CYP7B1: variants seen among roughly 807,000 people sequenced by gnomAD.
CYP7B1 encodes cytochrome P450 family 7 subfamily B member 1, also known as cytochrome P450 7B1.
Under a neutral mutation model 42.7 loss-of-function variants are expected in CYP7B1, and 29 were observed. The observed-to-expected ratio is 0.68, with a 90% CI of 0.51 to 0.93. The LOEUF is 0.93. CYP7B1 is among the 40% of genes least tolerant of loss of function. The pLI, the probability that CYP7B1 is intolerant of heterozygous loss-of-function variation, is 0.00. For synonymous variants in CYP7B1, 235 were observed against 218.2 expected (o/e 1.08, Z -0.68); for missense variants, 655 against 600.5 (o/e 1.09, Z -0.95).
chr8:64,717,824 G>A (rs1057175425), intron 1 of CYP7B1, among the ~76,000 whole-genome samples: 1 of 151,662 alleles, frequency 6.6e-6, no homozygotes, highest in Non-Finnish European at 1.5e-5. Context: ...TCCAGCCTGG[G>A]CAACAGAACC....
chr8:64,798,611 G>T lies in CYP7B1; in HGVS notation c.-24C>A. The T allele has an allele frequency of 1.4e-6, 2 of 1,450,926 alleles. No homozygotes were observed. Among genetic ancestry groups the T allele is most frequent in the Non-Finnish European group, 1.8e-6 (2 of 1,111,648 alleles). The allele number at this position is 1,450,926 out of a possible 1,614,324, so 89.9% of individuals were successfully genotyped here. On this transcript the variant is annotated 5_prime_UTR_variant, in exon 1 of 6. Coordinates refer to ENST00000310193, the MANE Select transcript of CYP7B1 (RefSeq NM_004820.5). ...ATCCGGCGCGCGCTAGGCCGCGGTG[G>T]GCAGCCCGGGGTCTGCCTGCGAACA...
intron 1 of CYP7B1, among the ~76,000 whole-genome samples, chr8:64,784,762 G>C (rs1364878405): frequency 3.9e-5 from 6 of 152,048 alleles, no homozygotes; most frequent in Non-Finnish European, 7.4e-5. Context: ...TAAAACCTCA[G>C]TTGCTAACAA....
chr8:64,695,920 A>T (rs1806820837), intron 1 of CYP7B1, among the ~76,000 whole-genome samples: 1 of 152,214 alleles, frequency 6.6e-6, no homozygotes. Flanking sequence ...CAAATGATGT[A>T]ATTAGATATA....
chr8:64,797,071 A>C (rs1402759045), intron 1 of CYP7B1, among the ~76,000 whole-genome samples: 1 of 152,224 alleles, frequency 6.6e-6, no homozygotes, highest in Non-Finnish European at 1.5e-5. Context: ...AGGAATTGGC[A>C]GTTGATGGCA....
At chr8:64,703,357 C>A (rs547689719) in intron 1 of CYP7B1, among the ~76,000 whole-genome samples, 70 of 152,070 alleles carry the variant, frequency 4.6e-4, no homozygotes, top group African/African-American at 1.2e-3. Flanking sequence ...CACAGCATAA[C>A]CCCTTACACC....
intron 1 of CYP7B1, among the ~76,000 whole-genome samples, chr8:64,696,138 G>A (rs1806825355): frequency 6.6e-6 from 1 of 152,030 alleles, no homozygotes; most frequent in Non-Finnish European, 1.5e-5. Flanking sequence ...TATCATTTAG[G>A]GGACTGGATT....
intron 1 of CYP7B1, among the ~76,000 whole-genome samples, chr8:64,661,045 C>T (rs1006578894): frequency 2.0e-5 from 3 of 152,150 alleles, no homozygotes; most frequent in Non-Finnish European, 2.9e-5. Context: ...TTAATGGAAG[C>T]CTGCAAATGT....
At chr8:64,602,793 ATAGCATCTACTT>A (rs1212735743) in intron 5 of CYP7B1, among the ~76,000 whole-genome samples, 17 of 152,340 alleles carry the variant, frequency 1.1e-4, no homozygotes, top group African/African-American at 4.1e-4. Flanking sequence ...AAGAGCATCT[ATAGCATCTACTT>A]ATTGCCATAT....
intron 1 of CYP7B1, among the ~76,000 whole-genome samples, chr8:64,754,790 TAAG>T (rs1226784399): frequency 6.6e-6 from 1 of 151,998 alleles, no homozygotes; most frequent in African/African-American, 2.4e-5. Flanking sequence ...TGTTGAGAAT[TAAG>T]GAGGAGTAAT....
intron 1 of CYP7B1, among the ~76,000 whole-genome samples, chr8:64,726,153 C>A (rs1047639315): frequency 1.3e-5 from 2 of 151,998 alleles, no homozygotes; most frequent in African/African-American, 4.8e-5. Context: ...GGATAAGAAA[C>A]CTTCTTCTAC....
intron 1 of CYP7B1, among the ~76,000 whole-genome samples, chr8:64,639,531 A>C (rs558111304): frequency 6.6e-6 from 1 of 152,194 alleles, no homozygotes; most frequent in South Asian, 2.1e-4. Context: ...GTCTTTAGAT[A>C]TATGCAAATT....
At chr8:64,623,976 C>T (rs1163086425) in intron 2 of CYP7B1, among the ~76,000 whole-genome samples, 1 of 152,004 alleles carries the variant, frequency 6.6e-6, no homozygotes, top group African/African-American at 2.4e-5. Context: ...TACATAGATA[C>T]AATCAGGGAA....
At chr8:64,709,165 C>T (rs1320937523) in intron 1 of CYP7B1, among the ~76,000 whole-genome samples, 1 of 152,202 alleles carries the variant, frequency 6.6e-6, no homozygotes, top group African/African-American at 2.4e-5. Flanking sequence ...TCTGAAGACA[C>T]AATCATTTCC....
intron 4 of CYP7B1, among the ~76,000 whole-genome samples, chr8:64,611,545 C>T (rs1805363718): frequency 6.6e-6 from 1 of 152,136 alleles, no homozygotes; most frequent in South Asian, 2.1e-4. Flanking sequence ...AATCTTTCAT[C>T]AAATTTCGAT....
chr8:64,605,370 G>A (rs550553379), intron 4 of CYP7B1, among the ~76,000 whole-genome samples: 1 of 152,186 alleles, frequency 6.6e-6, no homozygotes, highest in African/African-American at 2.4e-5. Context: ...AATAAAATGT[G>A]AGTCAACATT....
intron 1 of CYP7B1, among the ~76,000 whole-genome samples, chr8:64,656,736 G>A (rs952919470): frequency 6.6e-6 from 1 of 152,126 alleles, no homozygotes; most frequent in Non-Finnish European, 1.5e-5. Context: ...CCTTTCAGTT[G>A]GTACAGTTTT....
intron 1 of CYP7B1, among the ~76,000 whole-genome samples, chr8:64,635,299 T>C (rs1167888746): frequency 1.3e-5 from 2 of 152,244 alleles, no homozygotes; most frequent in African/African-American, 4.8e-5. Context: ...CTTCATTTTT[T>C]CCCCAGTCCT....
At chr8:64,599,407 C>G (rs1198100353) in intron 5 of CYP7B1, among the ~76,000 whole-genome samples, 1 of 152,154 alleles carries the variant, frequency 6.6e-6, no homozygotes, top group Non-Finnish European at 1.5e-5. Context: ...CCAGGATGGT[C>G]TTGATCTCCT....
intron 1 of CYP7B1, among the ~76,000 whole-genome samples, chr8:64,782,895 AT>A (rs1405148863): frequency 1.3e-5 from 2 of 152,138 alleles, no homozygotes; most frequent in East Asian, 1.9e-4. Context: ...TCTTAGGACC[AT>A]TTTTTAAAGA....
Sources: gnomAD v4.1 joint callset for allele counts (sites outside exome capture counted in the v4.1 genomes callset) on GRCh38, gnomAD v4.1.1 for gene constraint, MANE v1.5 for transcripts, NCBI Gene and HGNC (gene_info 2026-07-23, HGNC 2026-07-21) for gene names.